Variants in FOXP2 observed in about 807,000 individuals in gnomAD.
FOXP2 encodes forkhead box protein P2.
A neutral mutation model predicts 115.8 loss-of-function variants in FOXP2; 12 were observed. The observed-to-expected ratio is 0.10, with a 90% CI of 0.07 to 0.17. The LOEUF (loss-of-function observed/expected upper bound fraction) is 0.17, where lower values mean the gene tolerates loss of function less well. FOXP2 is among the 10% of genes least tolerant of loss of function. FOXP2 has a pLI of 1.00. For missense variants in FOXP2, 629 were observed against 843.5 expected (o/e 0.75, Z 3.15); for synonymous variants, 328 against 297.7 (o/e 1.10, Z -1.05).
chr7:114,174,703 G>A (rs1793240876), intron 1 of FOXP2, among the ~76,000 whole-genome samples: 1 of 151,982 alleles, frequency 6.6e-6, no homozygotes, highest in African/African-American at 2.4e-5. Flanking sequence ...ATGCAAGATG[G>A]GAGTTGAATC....
chr7:114,475,004 G>C lies in FOXP2; in HGVS notation c.168+48325G>C, dbSNP rs141710363. ...GTAAAAGATGTAGTAAATGAGCCCTGCTTGGTACTAGCCCAACATAGTCTG... is the reference window on the plus strand; with the variant it reads ...GTAAAAGATGTAGTAAATGAGCCCTCCTTGGTACTAGCCCAACATAGTCTG... On this transcript the variant is annotated intron_variant, in intron 2 of 16. Coordinates refer to ENST00000350908, the MANE Select transcript of FOXP2 (RefSeq NM_014491.4). 3.8e-3 allele frequency among the ~76,000 whole-genome samples: 580 copies of C among 152,018 alleles called. 1 individual carries two copies. The highest frequency in any genetic ancestry group is 5.9e-3 in the Non-Finnish European group (401 of 67,918).
chr7:114,272,441 T>C (rs1796088256), intron 1 of FOXP2, among the ~76,000 whole-genome samples: 1 of 151,816 alleles, frequency 6.6e-6, no homozygotes, highest in Non-Finnish European at 1.5e-5. Context: ...CTGAAAGAAA[T>C]TGTAGAGTAT....
intron 7 of FOXP2, among the ~76,000 whole-genome samples, chr7:114,642,874 T>G (rs1466388718): frequency 7.0e-6 from 1 of 142,480 alleles, no homozygotes; most frequent in Non-Finnish European, 1.5e-5. Flanking sequence ...AGTGGCACAA[T>G]CTTGGCTCAC....
At chr7:114,314,316 A>T (rs1403305790) in intron 2 of FOXP2, among the ~76,000 whole-genome samples, 1 of 151,358 alleles carries the variant, frequency 6.6e-6, no homozygotes, top group Non-Finnish European at 1.5e-5. Flanking sequence ...GACAGATATA[A>T]CTGTAAAAAG....
chr7:114,323,884 T>G (rs1429006073), intron 2 of FOXP2, among the ~76,000 whole-genome samples: 1 of 151,998 alleles, frequency 6.6e-6, no homozygotes. Context: ...TATCACTTTC[T>G]AGATTCAAAC....
intron 8 of FOXP2, among the ~76,000 whole-genome samples, chr7:114,651,609 A>G (rs1252574469): frequency 1.3e-5 from 2 of 152,136 alleles, no homozygotes; most frequent in Non-Finnish European, 2.9e-5. Flanking sequence ...AATGTCTCCT[A>G]GTTAGAACAC....
chr7:114,522,593 G>A (rs1039722382), intron 2 of FOXP2, among the ~76,000 whole-genome samples: 2 of 152,116 alleles, frequency 1.3e-5, no homozygotes, highest in Non-Finnish European at 2.9e-5. Flanking sequence ...TCAGAAATAT[G>A]TTTTAACTTC....
intron 2 of FOXP2, among the ~76,000 whole-genome samples, chr7:114,304,712 A>C (rs1393045484): frequency 6.8e-6 from 1 of 148,052 alleles, no homozygotes; most frequent in Non-Finnish European, 1.5e-5. Context: ...TGCATGTGGA[A>C]ATTTCATAAA....
chr7:114,349,669 GTC>G (rs1317234973), intron 2 of FOXP2, among the ~76,000 whole-genome samples: 3 of 116,942 alleles, frequency 2.6e-5, no homozygotes, highest in East Asian at 2.5e-4. Flanking sequence ...GTGTGTGTGT[GTC>G]TGTGTGTGTG....
At chr7:114,490,122 TG>T (rs1796966253) in intron 2 of FOXP2, among the ~76,000 whole-genome samples, 1 of 152,160 alleles carries the variant, frequency 6.6e-6, no homozygotes, top group South Asian at 2.1e-4. Flanking sequence ...TGCATATGAA[TG>T]TTTATAGTAG....
intron 1 of FOXP2, among the ~76,000 whole-genome samples, chr7:114,425,656 G>T (rs184290661): frequency 1.2e-3 from 189 of 151,718 alleles, no homozygotes; most frequent in Admixed American, 3.6e-3. Flanking sequence ...ATTCTTGATA[G>T]ATTTTATTTC....
chr7:114,249,038 G>T (rs1024361484), intron 1 of FOXP2, among the ~76,000 whole-genome samples: 16 of 152,044 alleles, frequency 1.1e-4, no homozygotes, highest in Non-Finnish European at 2.4e-4. Context: ...TAATGAACAA[G>T]AAAAAGTACC....
At chr7:114,279,981 T>G (rs1396549007) in intron 1 of FOXP2, among the ~76,000 whole-genome samples, 1 of 152,028 alleles carries the variant, frequency 6.6e-6, no homozygotes, top group Non-Finnish European at 1.5e-5. Flanking sequence ...CTGTATAATC[T>G]GAGTCTATTT....
intron 3 of FOXP2, 124 bp from the exon 4 acceptor site, chr7:114,628,416 A>T: frequency 2.4e-6 from 3 of 1,274,630 alleles, no homozygotes; most frequent in Non-Finnish European, 3.4e-6. Flanking sequence ...GTAAAATGTG[A>T]CGTAAAAATT....
At chr7:114,500,944 T>C (rs1797541843) in intron 2 of FOXP2, among the ~76,000 whole-genome samples, 2 of 152,162 alleles carry the variant, frequency 1.3e-5, no homozygotes, top group African/African-American at 4.8e-5. Context: ...TTTTATCCAT[T>C]CTATTCTATA....
At chr7:114,355,728 G>A (rs577087217) in intron 2 of FOXP2, among the ~76,000 whole-genome samples, 14 of 152,242 alleles carry the variant, frequency 9.2e-5, no homozygotes, top group Middle Eastern at 6.8e-3. Flanking sequence ...AGCAAATAAT[G>A]GCTAATATGA....
At chr7:114,202,186 G>A (rs1794085111) in intron 1 of FOXP2, among the ~76,000 whole-genome samples, 1 of 152,162 alleles carries the variant, frequency 6.6e-6, no homozygotes, top group South Asian at 2.1e-4. Flanking sequence ...TGGAAATTAA[G>A]CGATGATATT....
chr7:114,479,349 A>G (rs1432834112), intron 2 of FOXP2, among the ~76,000 whole-genome samples: 1 of 151,550 alleles, frequency 6.6e-6, no homozygotes, highest in Admixed American at 6.6e-5. Context: ...CTAGTTCATC[A>G]CTAGTTTGCT....
rs78324960 is a variant in FOXP2, at chr7:114,490,373, T to C, written c.169-44244T>C. ...CAACATCCTGGAAAGAGCAAAACTA[T>C]GGAGATGTAAAAAGATCAGTGATTG... On this transcript the variant is annotated intron_variant, in intron 2 of 16. Transcript: ENST00000350908. 2.3e-3 allele frequency among the ~76,000 whole-genome samples: 357 copies of C among 152,142 alleles called. 8 individuals are homozygous for C. In the East Asian group the frequency reaches 0.064, roughly 27 times the overall value.
Sources: allele counts gnomAD v4.1 joint callset (sites outside exome capture counted in the v4.1 genomes callset), GRCh38; gene constraint gnomAD v4.1.1; transcripts MANE v1.5; gene names NCBI Gene and HGNC (gene_info 2026-07-23, HGNC 2026-07-21).